Variants in ABTB3 observed in about 807,000 individuals in gnomAD.
ABTB3 encodes ankyrin repeat- and BTB/POZ domain-containing protein 3.
the ABTB3 span, among the ~76,000 whole-genome samples, chr12:107,380,255 C>G: frequency 6.6e-6 from 1 of 152,296 alleles, no homozygotes; most frequent in African/African-American, 2.4e-5. Flanking sequence ...TATTTCAGAG[C>G]ATGCTTTATG....
At chr12:107,406,538 A>G in the ABTB3 span, among the ~76,000 whole-genome samples, 93 of 152,178 alleles carry the variant, frequency 6.1e-4, no homozygotes, top group African/African-American at 2.1e-3. Context: ...GAACCTCACC[A>G]TGCATGCTCC....
chr12:107,520,347 GT>G, the ABTB3 span: 1 of 1,465,212 alleles, frequency 6.8e-7, no homozygotes, highest in South Asian at 1.4e-5. Flanking sequence ...AGTCCAGAGC[GT>G]TGGTTCCTAC....
the ABTB3 span, among the ~76,000 whole-genome samples, chr12:107,491,822 C>CA: frequency 0.11 from 6,697 of 59,934 alleles, 515 homozygotes; most frequent in African/African-American, 0.28. Context: ...GACTCTGTCT[C>CA]AAAAAAAAAA....
the ABTB3 span, among the ~76,000 whole-genome samples, chr12:107,482,918 T>TTCTCTCTTTCTC: frequency 1.7e-4 from 6 of 34,840 alleles, no homozygotes; most frequent in African/African-American, 7.3e-4. Context: ...TTCTTCTTCT[T>TTCTCTCTTTCTC]TCTTTCTTTC....
At chr12:107,617,289 C>G in the ABTB3 span, 1 of 1,614,180 alleles carries the variant, frequency 6.2e-7, no homozygotes, top group Middle Eastern at 1.6e-4. Context: ...ACCCCCTTCT[C>G]TGGGCTTGCA....
chr12:107,595,212 A>G, the ABTB3 span, among the ~76,000 whole-genome samples: 2 of 152,218 alleles, frequency 1.3e-5, no homozygotes, highest in Non-Finnish European at 2.9e-5. Flanking sequence ...CAGTTTCCTG[A>G]TCTTAAGAAG....
the ABTB3 span, among the ~76,000 whole-genome samples, chr12:107,524,470 CTT>C: frequency 6.6e-6 from 1 of 152,172 alleles, no homozygotes; most frequent in Non-Finnish European, 1.5e-5. Context: ...CATTCCTGCT[CTT>C]GTTGAAACAG....
chr12:107,319,475 A>G, the ABTB3 span: 23 of 1,601,644 alleles, frequency 1.4e-5, no homozygotes, highest in Non-Finnish European at 2.0e-5. Context: ...CGCGCACTGT[A>G]CGGCGGCTGC....
At chr12:107,443,367 C>T in the ABTB3 span, among the ~76,000 whole-genome samples, 1 of 151,908 alleles carries the variant, frequency 6.6e-6, no homozygotes, top group African/African-American at 2.4e-5. Flanking sequence ...GGCAGCACAG[C>T]CTGCTGCTGG....
the ABTB3 span, among the ~76,000 whole-genome samples, chr12:107,395,641 C>A: frequency 6.6e-6 from 1 of 152,210 alleles, no homozygotes; most frequent in Non-Finnish European, 1.5e-5. Flanking sequence ...GTGAGAGGGT[C>A]TTTCTGTGGT....
chr12:107,657,837 T>G, the ABTB3 span: 1 of 956,498 alleles, frequency 1.0e-6, no homozygotes, highest in African/African-American at 1.6e-5. Context: ...AGGAGCTGCC[T>G]CTACTGCTCC....
the ABTB3 span, among the ~76,000 whole-genome samples, chr12:107,582,135 G>A: frequency 6.6e-6 from 1 of 152,148 alleles, no homozygotes; most frequent in Admixed American, 6.5e-5. Flanking sequence ...GGAAATGGAG[G>A]GTTTGTGGTA....
chr12:107,568,062 T>A, the ABTB3 span, among the ~76,000 whole-genome samples: 2 of 152,210 alleles, frequency 1.3e-5, no homozygotes, highest in Non-Finnish European at 1.5e-5. Flanking sequence ...GACTATATCT[T>A]AGTGTTCAGT....
chr12:107,570,081 A>G, the ABTB3 span, among the ~76,000 whole-genome samples: 5 of 152,386 alleles, frequency 3.3e-5, no homozygotes, highest in Middle Eastern at 3.4e-3. Context: ...GCTAAAAAAT[A>G]TAATCTTCAT....
the ABTB3 span, among the ~76,000 whole-genome samples, chr12:107,623,403 G>A: frequency 1.2e-4 from 14 of 120,954 alleles, no homozygotes; most frequent in Non-Finnish European, 1.7e-4. Flanking sequence ...GTCTCACTCC[G>A]TCGCCCAGGC....
chr12:107,527,421 A>C, the ABTB3 span, among the ~76,000 whole-genome samples: 1 of 152,004 alleles, frequency 6.6e-6, no homozygotes, highest in Non-Finnish European at 1.5e-5. Flanking sequence ...ACAGGCATAC[A>C]CCACCATGCC....
At chr12:107,582,409 T>C in the ABTB3 span, among the ~76,000 whole-genome samples, 1 of 152,170 alleles carries the variant, frequency 6.6e-6, no homozygotes, top group Admixed American at 6.5e-5. Context: ...AGTCAGGATA[T>C]GAATTCAGGC....
chr12:107,585,675 T>C, the ABTB3 span, among the ~76,000 whole-genome samples: 1 of 152,208 alleles, frequency 6.6e-6, no homozygotes, highest in South Asian at 2.1e-4. Flanking sequence ...CTGACAGGTT[T>C]TGTTATTTGT....
At chr12:107,445,762 A>C in the ABTB3 span, among the ~76,000 whole-genome samples, 1 of 152,094 alleles carries the variant, frequency 6.6e-6, no homozygotes, top group East Asian at 1.9e-4. Flanking sequence ...TTACAGGAGA[A>C]TCCACCTCCT....
Sources: gnomAD v4.1 joint callset for allele counts (sites outside exome capture counted in the v4.1 genomes callset) on GRCh38, gnomAD v4.1.1 for gene constraint, MANE v1.5 for transcripts, NCBI Gene and HGNC (gene_info 2026-07-23, HGNC 2026-07-21) for gene names.